PTPN11: variants seen among roughly 807,000 people sequenced by gnomAD.
PTPN11 encodes the protein tyrosine-protein phosphatase non-receptor type 11.
In PTPN11, 6 loss-of-function variants were observed where a neutral mutation model predicts 78.8. The ratio of observed to expected loss-of-function variants is 0.08; its 90% confidence interval spans 0.04 to 0.15. PTPN11 has a LOEUF of 0.15. Among genes scored for constraint, PTPN11 ranks in the 10% least tolerant of loss-of-function variants. PTPN11 has a pLI of 1.00. For missense variants in PTPN11, 386 were observed against 744.8 expected (o/e 0.52, Z 5.61); for synonymous variants, 221 against 263.5 (o/e 0.84, Z 1.56).
intron 7 of PTPN11, among the ~76,000 whole-genome samples, chr12:112,474,971 A>G (rs2038476773): frequency 1.3e-5 from 2 of 152,132 alleles, no homozygotes; most frequent in Admixed American, 1.3e-4. Flanking sequence ...GCAAAGCCCA[A>G]GTTGAACCAG....
Position 112,488,643 on chromosome 12 carries a change from A to G in PTPN11, c.1447+133A>G, listed in dbSNP as rs954534650. 30 of 924,474 alleles carry G rather than the reference A, an allele frequency of 3.2e-5. No individual in the cohort carries two copies. The African/African-American group carries it at 4.2e-4, about 13-fold the overall frequency. The allele number at this position is 924,474 out of a possible 1,614,324, so 57.3% of individuals were successfully genotyped here. ...CACAAAAATCTGGGCTGAAGACTTC[A>G]GTGTGTCTGCCTGAGAACAGAAGTG... On this transcript the variant is annotated intron_variant, in intron 12 of 15. Coordinates refer to ENST00000351677, the MANE Select transcript of PTPN11 (RefSeq NM_002834.5).
At chr12:112,459,495 C>T (rs915001276) in intron 6 of PTPN11, among the ~76,000 whole-genome samples, 1 of 149,812 alleles carries the variant, frequency 6.7e-6, no homozygotes, top group Non-Finnish European at 1.5e-5. Context: ...GAGATGGAGT[C>T]TCACTCTGTC....
At chr12:112,447,343 C>T (rs1566165362) in intron 2 of PTPN11, among the ~76,000 whole-genome samples, 1 of 152,096 alleles carries the variant, frequency 6.6e-6, no homozygotes, top group Admixed American at 6.6e-5. Context: ...ATATATTCTT[C>T]CTGAACGTGT....
chr12:112,465,204 G>A (rs1472572792), intron 6 of PTPN11, among the ~76,000 whole-genome samples: 1 of 152,136 alleles, frequency 6.6e-6, no homozygotes, highest in African/African-American at 2.4e-5. Flanking sequence ...GGCTGAGGCA[G>A]CTGGATTACC....
At chr12:112,464,764 T>C (rs1286186374) in intron 6 of PTPN11, among the ~76,000 whole-genome samples, 1 of 151,104 alleles carries the variant, frequency 6.6e-6, no homozygotes. Context: ...CTCACTATCT[T>C]GCCCAGGCTG....
Position 112,423,580 on chromosome 12 carries a change from A to G in PTPN11, c.14+4455A>G, listed in dbSNP as rs550821042. Among the ~76,000 whole-genome samples, 12 of 152,098 alleles carry G rather than the reference A, an allele frequency of 7.9e-5. No individual in the cohort carries two copies. In the South Asian group the frequency reaches 2.1e-3, roughly 26 times the overall value. Reference sequence around the variant, plus strand: ...GGATTATAGGCATGAGCTACCACACAAGCCTGAAATTTGAAATGTATTGGT... The same window carrying G: ...GGATTATAGGCATGAGCTACCACACGAGCCTGAAATTTGAAATGTATTGGT... On this transcript the variant is annotated intron_variant, in intron 1 of 15. Coordinates refer to ENST00000351677, the MANE Select transcript of PTPN11 (RefSeq NM_002834.5).
At chr12:112,502,317 A>C in intron 14 of PTPN11, 61 bp downstream of exon 14, 1 of 1,289,044 alleles carries the variant, frequency 7.8e-7, no homozygotes, top group Non-Finnish European at 1.1e-6. Flanking sequence ...AGGTTTAAAA[A>C]ACAAAAACAA....
chr12:112,470,543 G>A (rs2038399158), intron 6 of PTPN11, among the ~76,000 whole-genome samples: 1 of 152,284 alleles, frequency 6.6e-6, no homozygotes, highest in South Asian at 2.1e-4. Flanking sequence ...GAACAGCTTG[G>A]ACTTGATCTT....
chr12:112,488,833 C>T (rs1026332455), intron 12 of PTPN11, among the ~76,000 whole-genome samples, 191 bp from the exon 13 acceptor site: 2 of 152,162 alleles, frequency 1.3e-5, no homozygotes, highest in African/African-American at 2.4e-5. Context: ...TCTGCCACTT[C>T]GTTATTTATG....
At chr12:112,441,006 C>T (rs1438252494) in intron 1 of PTPN11, among the ~76,000 whole-genome samples, 1 of 149,490 alleles carries the variant, frequency 6.7e-6, no homozygotes, top group African/African-American at 2.5e-5. Context: ...CGTTGTTGCC[C>T]AGGCTAGAGT....
At chr12:112,492,283 A>C (rs367902375) in intron 13 of PTPN11, among the ~76,000 whole-genome samples, 10 of 152,268 alleles carry the variant, frequency 6.6e-5, no homozygotes, top group South Asian at 2.1e-4. Context: ...CACTTGAATA[A>C]GGTGGTGTCT....
chr12:112,474,173 A>T (rs2038461616), intron 7 of PTPN11, among the ~76,000 whole-genome samples: 1 of 151,978 alleles, frequency 6.6e-6, no homozygotes, highest in Admixed American at 6.6e-5. Flanking sequence ...ACATGGTGAA[A>T]CCCCATCTCT....
At chr12:112,503,946 T>C (rs558329613) in intron 14 of PTPN11, among the ~76,000 whole-genome samples, 1 of 152,274 alleles carries the variant, frequency 6.6e-6, no homozygotes, top group Admixed American at 6.5e-5. Context: ...AAACCACCCA[T>C]TGCCCTTCAC....
At chr12:112,489,374 G>A (rs2135917057) in intron 13 of PTPN11, among the ~76,000 whole-genome samples, 199 bp downstream of exon 13, 1 of 152,318 alleles carries the variant, frequency 6.6e-6, no homozygotes, top group African/African-American at 2.4e-5. Flanking sequence ...CTGCAGAGGA[G>A]CTTAGGGAAG....
intron 12 of PTPN11, 40 bp from the exon 13 acceptor site, chr12:112,488,984 C>G (rs368816519): frequency 4.3e-6 from 7 of 1,611,370 alleles, no homozygotes; most frequent in Non-Finnish European, 5.9e-6. Flanking sequence ...CATCCTGGCT[C>G]TGCAGTTTCT....
chr12:112,474,425 C>T (rs2038467587), intron 7 of PTPN11, among the ~76,000 whole-genome samples: 1 of 151,426 alleles, frequency 6.6e-6, no homozygotes, highest in Non-Finnish European at 1.5e-5. Context: ...CCTATGTTGC[C>T]CAGGCTGGTC....
At chr12:112,423,022 G>A (rs1241439472) in intron 1 of PTPN11, among the ~76,000 whole-genome samples, 1 of 152,174 alleles carries the variant, frequency 6.6e-6, no homozygotes, top group Non-Finnish European at 1.5e-5. Context: ...AGTGATGTTG[G>A]CAAGGTCTCT....
At chr12:112,455,805 T>G in intron 5 of PTPN11, 145 bp from the exon 6 acceptor site, 1 of 651,804 alleles carries the variant, frequency 1.5e-6, no homozygotes, top group Non-Finnish European at 2.8e-6. Flanking sequence ...TTTGAAAACT[T>G]TTATTGTGAA....
intron 10 of PTPN11, 93 bp from the exon 11 acceptor site, chr12:112,486,382 T>C (rs988151354): frequency 3.8e-5 from 50 of 1,304,870 alleles, no homozygotes; most frequent in Non-Finnish European, 5.2e-5. Context: ...ATTCTCTTCC[T>C]CTCCATTGGA....
Sources: allele counts gnomAD v4.1 joint callset (sites outside exome capture counted in the v4.1 genomes callset), GRCh38; gene constraint gnomAD v4.1.1; transcripts MANE v1.5; gene names NCBI Gene and HGNC (gene_info 2026-07-23, HGNC 2026-07-21).